The following SGCZ variants were observed in gnomAD, a reference collection of about 807,000 sequenced individuals.
The protein encoded by SGCZ is zeta-sarcoglycan.
A neutral mutation model predicts 41.3 loss-of-function variants in SGCZ; 40 were observed. The ratio of observed to expected loss-of-function variants is 0.97; its 90% CI spans 0.75 to 1.26. The LOEUF is 1.26. Ranked by LOEUF, SGCZ falls within the 50% of genes most tolerant of loss-of-function variation. SGCZ has a pLI of 0.00. For missense variants in SGCZ, 552 were observed against 369.8 expected (o/e 1.49, Z -4.04); for synonymous variants, 206 against 137.5 (o/e 1.50, Z -3.49).
intron 1 of SGCZ, among the ~76,000 whole-genome samples, chr8:14,730,367 G>C (rs184804260): frequency 6.6e-6 from 1 of 152,088 alleles, no homozygotes; most frequent in Non-Finnish European, 1.5e-5. Flanking sequence ...GTGGAGTGAG[G>C]AGACGGGATA....
At chr8:14,407,333 A>G (rs892533854) in intron 2 of SGCZ, among the ~76,000 whole-genome samples, 2 of 152,052 alleles carry the variant, frequency 1.3e-5, no homozygotes, top group African/African-American at 4.8e-5. Flanking sequence ...ACTGTATGCC[A>G]CAGCTAAAAA....
intron 3 of SGCZ, among the ~76,000 whole-genome samples, chr8:14,317,958 C>G (rs1801771451): frequency 1.3e-5 from 2 of 151,344 alleles, no homozygotes; most frequent in African/African-American, 4.9e-5. Context: ...ACAAAGGAAT[C>G]ACTCTACCAA....
chr8:14,843,752 A>T (rs1803004583), intron 1 of SGCZ, among the ~76,000 whole-genome samples: 1 of 152,086 alleles, frequency 6.6e-6, no homozygotes, highest in African/African-American at 2.4e-5. Flanking sequence ...ACTGCCAAGA[A>T]CTTCATAAAT....
At chr8:14,425,929 G>A (rs1563321205) in intron 2 of SGCZ, among the ~76,000 whole-genome samples, 2 of 152,080 alleles carry the variant, frequency 1.3e-5, no homozygotes. Context: ...AATGGAAAAG[G>A]CAGCTAAAGA....
chr8:14,386,023 C>T (rs1488812041), intron 2 of SGCZ, among the ~76,000 whole-genome samples: 2 of 152,016 alleles, frequency 1.3e-5, no homozygotes, highest in African/African-American at 2.4e-5. Context: ...CTTTTAATGT[C>T]TATTATTCTT....
At chr8:15,129,850 C>A (rs946144048) in intron 1 of SGCZ, among the ~76,000 whole-genome samples, 1 of 151,992 alleles carries the variant, frequency 6.6e-6, no homozygotes, top group Non-Finnish European at 1.5e-5. Context: ...CCCTTCTGCT[C>A]CACGTCCTCT....
intron 5 of SGCZ, among the ~76,000 whole-genome samples, chr8:14,133,802 T>C (rs200741281): frequency 6.6e-6 from 1 of 152,220 alleles, no homozygotes; most frequent in East Asian, 1.9e-4. Context: ...TGCTGCTCCA[T>C]CATTTCGCTC....
intron 3 of SGCZ, among the ~76,000 whole-genome samples, chr8:14,269,244 C>A (rs887949087): frequency 6.6e-6 from 1 of 152,074 alleles, no homozygotes; most frequent in Non-Finnish European, 1.5e-5. Context: ...TTTAATGGCT[C>A]AAATTTATTT....
rs938111362 is a variant in SGCZ at position 15,196,345 on chromosome 8, T to G, written c.39+41240A>C. Among the ~76,000 whole-genome samples the G allele has an allele frequency of 5.9e-5, 9 of 152,310 alleles. No individual in the cohort carries two copies. The East Asian group carries it at 1.7e-3, about 29-fold the overall frequency. ...TTTGACAATCTCCTGTTGTCTCCAT[T>G]TAACTCAAGAAAAGCTCCCAAATGA... On this transcript the variant is annotated intron_variant, in intron 1 of 7. Coordinates refer to ENST00000382080, the MANE Select transcript of SGCZ (RefSeq NM_139167.4).
intron 3 of SGCZ, among the ~76,000 whole-genome samples, chr8:14,289,993 C>T (rs1279714212): frequency 1.3e-5 from 2 of 151,764 alleles, no homozygotes; most frequent in African/African-American, 2.4e-5. Flanking sequence ...TTTTAAACAG[C>T]AGATCTTGTG....
chr8:14,625,901 A>AG (rs1806439400), intron 1 of SGCZ, among the ~76,000 whole-genome samples: 1 of 152,216 alleles, frequency 6.6e-6, no homozygotes, highest in Non-Finnish European at 1.5e-5. Context: ...AATTCATGAT[A>AG]ATCTGGACTA....
chr8:14,408,385 C>T (rs372178516), intron 2 of SGCZ, among the ~76,000 whole-genome samples: 6 of 152,066 alleles, frequency 3.9e-5, no homozygotes, highest in East Asian at 1.9e-4. Context: ...TGGGAGTTTT[C>T]TACACTTATT....
intron 1 of SGCZ, among the ~76,000 whole-genome samples, chr8:15,001,572 G>A (rs748001348): frequency 4.0e-4 from 60 of 151,666 alleles, no homozygotes; most frequent in South Asian, 4.2e-4. Context: ...TACTAAAAAT[G>A]CAAAAAATAA....
At chr8:14,999,367 G>T (rs1173232834) in intron 1 of SGCZ, among the ~76,000 whole-genome samples, 3 of 152,174 alleles carry the variant, frequency 2.0e-5, no homozygotes, top group African/African-American at 7.2e-5. Context: ...GACCAGGATA[G>T]TTCCAAAGAA....
At chr8:14,244,784 A>G (rs534840238) in intron 3 of SGCZ, among the ~76,000 whole-genome samples, 1 of 152,172 alleles carries the variant, frequency 6.6e-6, no homozygotes, top group African/African-American at 2.4e-5. Flanking sequence ...AGTGGTTTGT[A>G]GTTCTCCTTG....
chr8:14,513,826 T>G (rs1425676158), intron 2 of SGCZ, among the ~76,000 whole-genome samples: 1 of 152,098 alleles, frequency 6.6e-6, no homozygotes. Context: ...CCTCCCTCTA[T>G]GAAAATGTCA....
chr8:14,389,982 G>C (rs984659359), intron 2 of SGCZ, among the ~76,000 whole-genome samples: 20 of 151,908 alleles, frequency 1.3e-4, no homozygotes, highest in Non-Finnish European at 2.2e-4. Flanking sequence ...GGGGATTTTT[G>C]TAAGTAGGGG....
intron 1 of SGCZ, among the ~76,000 whole-genome samples, chr8:14,669,630 A>G (rs1418798815): frequency 6.6e-6 from 1 of 151,994 alleles, no homozygotes; most frequent in African/African-American, 2.4e-5. Context: ...AGGTCCATAC[A>G]TGTTATCACA....
At chr8:14,275,500 T>A (rs1044699115) in intron 3 of SGCZ, among the ~76,000 whole-genome samples, 3 of 152,170 alleles carry the variant, frequency 2.0e-5, no homozygotes, top group African/African-American at 7.2e-5. Flanking sequence ...ATTCCCTTTC[T>A]CTGTTTGATC....
Sources: gnomAD v4.1 joint callset for allele counts (sites outside exome capture counted in the v4.1 genomes callset) on GRCh38, gnomAD v4.1.1 for gene constraint, MANE v1.5 for transcripts, NCBI Gene and HGNC (gene_info 2026-07-23, HGNC 2026-07-21) for gene names.